LRP1B: variants seen among roughly 807,000 people sequenced by gnomAD.
LRP1B encodes LDL receptor related protein 1B.
Under a neutral mutation model 556.6 loss-of-function variants are expected in LRP1B, and 217 were observed. The observed-to-expected ratio is 0.39, with a 90% confidence interval of 0.35 to 0.44. The LOEUF (loss-of-function observed/expected upper bound fraction) is 0.44. Ranked by LOEUF, LRP1B falls within the 20% of genes least tolerant of loss-of-function variation. The pLI is 1.00. For synonymous variants in LRP1B, 2,047 were observed against 1,865.8 expected, an observed-to-expected ratio of 1.10 and a Z score of -2.50; for missense variants, 5,053 against 5,620.8, an observed-to-expected ratio of 0.90 and a Z score of 3.23.
chr2:140,694,295 T>G (rs1286738014), intron 41 of LRP1B, among the ~76,000 whole-genome samples: 1 of 152,204 alleles, frequency 6.6e-6, no homozygotes, highest in Non-Finnish European at 1.5e-5. Flanking sequence ...TTAGTGGGAA[T>G]ACATAGATAT....
intron 2 of LRP1B, among the ~76,000 whole-genome samples, chr2:141,499,983 G>C (rs1683654271): frequency 6.6e-6 from 1 of 152,006 alleles, no homozygotes; most frequent in Non-Finnish European, 1.5e-5. Context: ...TTGAGCTAAA[G>C]GCAATTAAGG....
At chr2:140,408,592 G>A (rs906808135) in intron 66 of LRP1B, among the ~76,000 whole-genome samples, 4 of 151,862 alleles carry the variant, frequency 2.6e-5, no homozygotes, top group African/African-American at 9.7e-5. Flanking sequence ...CTATTATAAG[G>A]ATTAAGATAC....
chr2:140,869,880 A>G (rs1458082807), intron 25 of LRP1B, among the ~76,000 whole-genome samples: 2 of 152,000 alleles, frequency 1.3e-5, no homozygotes, highest in African/African-American at 4.8e-5. Context: ...GGGCTCAGAG[A>G]ATAATATGCC....
At chr2:140,353,121 T>A (rs2105122598) in intron 75 of LRP1B, 49 bp from the exon 76 acceptor site, 1 of 1,580,494 alleles carries the variant, frequency 6.3e-7, no homozygotes, top group Non-Finnish European at 8.6e-7. Context: ...CAATTCAGAC[T>A]CCTATTCTTA....
intron 3 of LRP1B, among the ~76,000 whole-genome samples, chr2:141,395,393 G>A (rs1167283566): frequency 6.6e-6 from 1 of 152,138 alleles, no homozygotes; most frequent in East Asian, 1.9e-4. Flanking sequence ...TTTGCTTACA[G>A]CATTTGGTAA....
intron 1 of LRP1B, among the ~76,000 whole-genome samples, chr2:142,039,881 G>A (rs1385365727): frequency 6.6e-6 from 1 of 151,490 alleles, no homozygotes; most frequent in Non-Finnish European, 1.5e-5. Context: ...TCAGGACATA[G>A]ATCGAGAGGA....
At chr2:141,655,296 T>C (rs1689962942) in intron 2 of LRP1B, among the ~76,000 whole-genome samples, 1 of 152,184 alleles carries the variant, frequency 6.6e-6, no homozygotes, top group African/African-American at 2.4e-5. Flanking sequence ...TGTCCTTTCT[T>C]CATTTTAAGT....
At chr2:141,500,883 A>C (rs1422027030) in intron 2 of LRP1B, among the ~76,000 whole-genome samples, 4 of 152,124 alleles carry the variant, frequency 2.6e-5, no homozygotes, top group Non-Finnish European at 5.9e-5. Flanking sequence ...TCATTGCCAC[A>C]GTTATTTCTG....
chr2:141,526,289 G>A (rs758120565), intron 2 of LRP1B, among the ~76,000 whole-genome samples: 11 of 151,876 alleles, frequency 7.2e-5, no homozygotes, highest in Admixed American at 6.6e-4. Flanking sequence ...GTGAGTTATG[G>A]TCAGACCCAA....
At chr2:140,866,036 G>A (rs1391729253) in intron 27 of LRP1B, among the ~76,000 whole-genome samples, 2 of 152,094 alleles carry the variant, frequency 1.3e-5, no homozygotes, top group African/African-American at 4.8e-5. Flanking sequence ...TTTTGGGTGA[G>A]GAGGAATGAT....
At chr2:140,654,111 T>A (rs1684788950) in intron 41 of LRP1B, among the ~76,000 whole-genome samples, 1 of 150,654 alleles carries the variant, frequency 6.6e-6, no homozygotes, top group Non-Finnish European at 1.5e-5. Flanking sequence ...ACTGGATGAG[T>A]AATTGCTATT....
intron 87 of LRP1B, among the ~76,000 whole-genome samples, chr2:140,246,772 T>C (rs1242059016): frequency 6.6e-6 from 1 of 151,484 alleles, no homozygotes; most frequent in Non-Finnish European, 1.5e-5. Context: ...CATTTTCACA[T>C]CCATTGTGAT....
In LRP1B at chr2:141,632,714, G is replaced by A. The variant is rs73965756; in HGVS notation, c.206-152181C>T. Among the ~76,000 whole-genome samples, 962 of 151,938 alleles carry A rather than the reference G, an allele frequency of 6.3e-3. 14 individuals are homozygous for A. Among genetic ancestry groups the A allele is most frequent in the African/African-American group, 0.022 (918 of 41,464 alleles). ...GGGTTGGCATATAATGTAGAATGAA[G>A]GACTGAATGGAGCCAGAGAGTCAGT... On this transcript the variant is annotated intron_variant, in intron 2 of 90. Coordinates refer to ENST00000389484, the MANE Select transcript of LRP1B (RefSeq NM_018557.3).
At chr2:141,340,617 C>T (rs1393785929) in intron 3 of LRP1B, among the ~76,000 whole-genome samples, 1 of 152,086 alleles carries the variant, frequency 6.6e-6, no homozygotes, top group Non-Finnish European at 1.5e-5. Context: ...TTTAAGTGAT[C>T]TCTGTAATGA....
intron 18 of LRP1B, among the ~76,000 whole-genome samples, chr2:140,953,048 C>T (rs1182927448): frequency 6.6e-6 from 1 of 151,860 alleles, no homozygotes; most frequent in Non-Finnish European, 1.5e-5. Flanking sequence ...ATAGAAAAAA[C>T]TGATATACTG....
intron 83 of LRP1B, among the ~76,000 whole-genome samples, chr2:140,298,271 T>A (rs1244879045): frequency 6.6e-6 from 1 of 151,820 alleles, no homozygotes; most frequent in East Asian, 1.9e-4. Flanking sequence ...TATTTTTACT[T>A]CTGTTCTCAT....
chr2:140,552,093 A>T (rs890786730), intron 43 of LRP1B, among the ~76,000 whole-genome samples: 9 of 152,224 alleles, frequency 5.9e-5, no homozygotes, highest in African/African-American at 1.9e-4. Context: ...GGTGACAGGG[A>T]CTAGAGAAAC....
At chr2:140,416,534 C>T (rs140295156) in intron 66 of LRP1B, among the ~76,000 whole-genome samples, 21 of 151,790 alleles carry the variant, frequency 1.4e-4, no homozygotes, top group Non-Finnish European at 2.6e-4. Context: ...TGCATGCCTG[C>T]AGTCCCAGTT....
intron 15 of LRP1B, among the ~76,000 whole-genome samples, chr2:141,002,676 T>A (rs1046538690): frequency 1.1e-4 from 16 of 152,074 alleles, no homozygotes; most frequent in African/African-American, 3.9e-4. Context: ...GAGGGTCCAC[T>A]GTATTCTACA....
Sources: allele counts gnomAD v4.1 joint callset (sites outside exome capture counted in the v4.1 genomes callset), GRCh38; gene constraint gnomAD v4.1.1; transcripts MANE v1.5; gene names NCBI Gene and HGNC (gene_info 2026-07-23, HGNC 2026-07-21).